DNASE2: variants seen among roughly 807,000 people sequenced by gnomAD.
DNASE2 encodes deoxyribonuclease 2, lysosomal.
DNASE2 carries 26 observed loss-of-function variants against 29.8 expected under a neutral mutation model. That is an observed-to-expected ratio of 0.87 (90% CI 0.64 to 1.21). The LOEUF is 1.21. Among genes scored for constraint, DNASE2 ranks in the 50% most tolerant of loss-of-function variants. The probability of loss-of-function intolerance (pLI) is 0.00; values close to 1 mark genes in which losing one functional copy is unlikely to be tolerated. For synonymous variants in DNASE2, 186 were observed against 193.5 expected (o/e 0.96, Z 0.32); for missense variants, 415 against 455.6 (o/e 0.91, Z 0.81).
intron 5 of DNASE2, among the ~76,000 whole-genome samples, chr19:12,877,122 A>G (rs1204247339): frequency 6.6e-6 from 1 of 152,106 alleles, no homozygotes; most frequent in Non-Finnish European, 1.5e-5. Flanking sequence ...ATGGAGTTTC[A>G]CCATGTTGGC....
Position 12,881,441 on chromosome 19 carries a change from G to T in DNASE2, c.-66C>A. ...TGCGGGGCGCTGGGTTACATCAGAG[G>T]CCAGGACTGGCACCTGGCGCCTTTC... On this transcript the variant is annotated 5_prime_UTR_variant, in exon 1 of 6. Coordinates refer to ENST00000222219, the MANE Select transcript of DNASE2 (RefSeq NM_001375.3). The T allele has an allele frequency of 6.5e-7, 1 of 1,540,140 alleles. No individual in the cohort carries two copies. The highest frequency in any genetic ancestry group is 8.8e-7 in the Non-Finnish European group (1 of 1,141,712).
intron 3 of DNASE2, among the ~76,000 whole-genome samples, chr19:12,879,218 C>T (rs1005453668): frequency 2.7e-5 from 4 of 150,846 alleles, no homozygotes; most frequent in African/African-American, 9.8e-5. Flanking sequence ...AAGGCAGGCC[C>T]CACGCAGTGT....
intron 3 of DNASE2, 100 bp downstream of exon 3, chr19:12,880,702 G>T (rs2145922989): frequency 6.7e-7 from 1 of 1,487,010 alleles, no homozygotes; most frequent in Non-Finnish European, 9.4e-7. Context: ...GATGCCCAGG[G>T]TCTGACAGTG....
In DNASE2 at chr19:12,876,045, T is replaced by A. The variant is rs1970315608; in HGVS notation, c.1028A>T (p.Asn343Ile). The A allele has an allele frequency of 2.5e-6, 4 of 1,613,996 alleles. No homozygotes were observed. The highest frequency in any genetic ancestry group is 2.5e-6 in the Non-Finnish European group (3 of 1,180,022). The change falls in exon 6 of 6, where the codon AAC becomes ATC. Residue 343 changes from asparagine to isoleucine, a missense_variant. Asn to Ile is a moderately radical substitution (Grantham distance 149). Coordinates refer to ENST00000222219, the MANE Select transcript of DNASE2 (RefSeq NM_001375.3). The stretch of plus-strand genomic sequence containing the variant: ...GGCCATGCCATTACAGGGCTGGTAG[T>A]TCTTCACCAGCGGCTGGAAGGCTTT... The part of the protein sequence containing the change: ...LWKAFQPLVK[N>I]YQPCNGMARK...
In DNASE2 at chr19:12,875,410, G is replaced by A. The variant is rs967184425; in HGVS notation, c.*580C>T. The A allele has an allele frequency of 2.5e-5, 4 of 162,302 alleles. No homozygotes were observed. Among genetic ancestry groups the A allele is most frequent in the African/African-American group, 9.7e-5 (4 of 41,398 alleles). 10.1% of individuals were successfully genotyped at this position (162,302 alleles called of 1,614,324 possible). ...TAGATTTTTTATTTTTTATTTTTTT[G>A]ACACAGAGTCTCATTCTGTCACCCA... On this transcript the variant is annotated 3_prime_UTR_variant, in exon 6 of 6. Coordinates refer to ENST00000222219, the MANE Select transcript of DNASE2 (RefSeq NM_001375.3).
In DNASE2 at chr19:12,876,892, G is replaced by A. The variant is rs561434938; in HGVS notation, c.710-529C>T. On this transcript the variant is annotated intron_variant, in intron 5 of 5. Coordinates refer to ENST00000222219, the MANE Select transcript of DNASE2 (RefSeq NM_001375.3). The stretch of plus-strand genomic sequence containing the variant: ...GGCTGGAGTGCAGTGGTGTAATCTC[G>A]GCACACTGCAACCTCTGCCTCCTGG... 6.6e-5 allele frequency among the ~76,000 whole-genome samples: 10 copies of A among 151,678 alleles called. No homozygotes were observed. In the South Asian group the frequency reaches 1.0e-3, roughly 16 times the overall value.
Position 12,875,685 on chromosome 19 carries a change from C to T in DNASE2, c.*305G>A. The T allele has an allele frequency of 3.1e-6, 1 of 326,072 alleles. No homozygotes were observed. The highest frequency in any genetic ancestry group is 2.9e-5 in the South Asian group (1 of 34,102). 20.2% of individuals were successfully genotyped at this position (326,072 alleles called of 1,614,324 possible). On this transcript the variant is annotated 3_prime_UTR_variant, in exon 6 of 6. Transcript: ENST00000222219. Reference sequence around the variant, plus strand: ...CTGGGGTTACAGATGTGAGCCACTGCACCCACCCGTCCCCCGCCCCCCCTT... The same window carrying T: ...CTGGGGTTACAGATGTGAGCCACTGTACCCACCCGTCCCCCGCCCCCCCTT...
In DNASE2 at chr19:12,880,848, A is replaced by G. The variant is rs945858759; in HGVS notation, c.300T>C (p.Pro100=). The change falls in exon 3 of 6, where the codon CCT becomes CCC. Residue 100 remains proline, a synonymous_variant. Coordinates refer to ENST00000222219, the MANE Select transcript of DNASE2 (RefSeq NM_001375.3). ...LAFLLYNDQP[P]QPSKAQDSSM... is the part of the protein sequence containing the mutation. ...AAGAGTCCTGAGCCTTGCTGGGTTGAGGCGGTTGGTCATTGTAGAGCAGGA... is the reference window on the plus strand; with the variant it reads ...AAGAGTCCTGAGCCTTGCTGGGTTGGGGCGGTTGGTCATTGTAGAGCAGGA... 9.9e-6 allele frequency: 16 copies of G among 1,614,130 alleles called. No homozygotes were observed. The highest frequency in any genetic ancestry group is 1.4e-5 in the Non-Finnish European group (16 of 1,180,024).
chr19:12,880,086 T>A (rs1599598028), intron 3 of DNASE2, among the ~76,000 whole-genome samples: 2 of 103,526 alleles, frequency 1.9e-5, no homozygotes, highest in African/African-American at 8.0e-5. Context: ...GCCTGGGTGA[T>A]GGAGAGAGAG....
At position 12,878,524 on chromosome 19, in the gene DNASE2, G is replaced by C. The variant is rs761407102; in HGVS notation, c.567C>G (p.Ile189Met). Residue 189 changes from isoleucine (I) to methionine (M), a missense_variant, in exon 5 of 6, where the codon ATC becomes ATG. By Grantham distance (10) the Ile-to-Met change is conservative. Coordinates refer to ENST00000222219, the MANE Select transcript of DNASE2 (RefSeq NM_001375.3). The stretch of plus-strand genomic sequence containing the variant: ...CCAAGTCGGGGAATTCCTGGGCAAA[G>C]ATCCCTTCCAGCTGGTAGTTATAGA... Reference protein sequence around the residue: ...PWVYNYQLEGIFAQEFPDLEN... With the variant: ...PWVYNYQLEGMFAQEFPDLEN... The C allele has an allele frequency of 1.2e-6, 2 of 1,614,174 alleles. No homozygotes were observed. The highest frequency in any genetic ancestry group is 1.1e-5 in the South Asian group (1 of 91,082).
At chr19:12,880,724 G>A (rs1970369930) in intron 3 of DNASE2, 78 bp downstream of exon 3, 3 of 1,582,764 alleles carry the variant, frequency 1.9e-6, no homozygotes, top group Non-Finnish European at 1.7e-6. Context: ...AGATCTCCCC[G>A]ACCACCCCAT....
chr19:12,879,388 G>C (rs1970355025), intron 3 of DNASE2, among the ~76,000 whole-genome samples: 3 of 149,588 alleles, frequency 2.0e-5, no homozygotes, highest in Admixed American at 6.8e-5. Flanking sequence ...GGAGGCTGAT[G>C]CAGGAGAATC....
At position 12,876,246 on chromosome 19, in the gene DNASE2, A is replaced by C. The variant is rs752333082; in HGVS notation, c.827T>G (p.Val276Gly). The C allele has an allele frequency of 6.2e-7, 1 of 1,614,174 alleles. No homozygotes were observed. Among genetic ancestry groups the C allele is most frequent in the East Asian group, 2.2e-5 (1 of 44,876 alleles). Reference sequence around the variant, plus strand: ...TGGTCCAGGGAAAGCTATCTGGTTCACATTCAGAACCTGCCAGATATCCGA... The same window carrying C: ...TGGTCCAGGGAAAGCTATCTGGTTCCCATTCAGAACCTGCCAGATATCCGA... ...NCSDIWQVLNVNQIAFPGPAG... is the reference protein window; with the variant it reads ...NCSDIWQVLNGNQIAFPGPAG... Residue 276 changes from valine (V) to glycine (G), a missense_variant, in exon 6 of 6, where the codon GTG (valine) becomes GGG (glycine). Coordinates refer to ENST00000222219, the MANE Select transcript of DNASE2 (RefSeq NM_001375.3).
chr19:12,879,162 G>GTAAGTAAA (rs1490597124), intron 3 of DNASE2, among the ~76,000 whole-genome samples: 110 of 145,456 alleles, frequency 7.6e-4, no homozygotes, highest in African/African-American at 2.9e-3. Flanking sequence ...AAGTAAGTAA[G>GTAAGTAAA]TAAATAAATA....
rs1970313568 is a variant in DNASE2, at chr19:12,875,933, T to C, written c.*57A>G. 4.4e-6 allele frequency: 7 copies of C among 1,603,038 alleles called. No individual in the cohort carries two copies. Among genetic ancestry groups the C allele is most frequent in the Non-Finnish European group, 5.9e-6 (7 of 1,177,680 alleles). On this transcript the variant is annotated 3_prime_UTR_variant, in exon 6 of 6. Coordinates refer to ENST00000222219, the MANE Select transcript of DNASE2 (RefSeq NM_001375.3). The stretch of plus-strand genomic sequence containing the variant: ...CCTGAGTTCAAGTGATCCTCCCTCC[T>C]TGGCTTCCCAAAGTGCTGGGATTAC...
In DNASE2 at chr19:12,876,490, T is replaced by C; in HGVS notation, c.710-127A>G. 3 of 1,401,664 alleles carry C rather than the reference T, an allele frequency of 2.1e-6. No homozygotes were observed. The South Asian group carries it at 4.4e-5, about 21-fold the overall frequency. 86.8% of individuals were successfully genotyped at this position (1,401,664 alleles called of 1,614,324 possible). A position where few individuals can be genotyped will look rare whatever the true frequency, so the allele number is the denominator to read the frequency against. Reference sequence around the variant, plus strand: ...TTTTTTTTTTTTTGACATGGAGTCTTGCTCTGTCGCCCAGGCTAGAGTGCA... The same window carrying C: ...TTTTTTTTTTTTTGACATGGAGTCTCGCTCTGTCGCCCAGGCTAGAGTGCA... On this transcript the variant is annotated intron_variant, in intron 5 of 5. Transcript: ENST00000222219.
In DNASE2 at chr19:12,878,443, T is replaced by A. The variant is rs764662113; in HGVS notation, c.648A>T (p.Thr216=). 6.2e-6 allele frequency: 10 copies of A among 1,613,560 alleles called. No homozygotes were observed. Among genetic ancestry groups the A allele is most frequent in the Non-Finnish European group, 7.6e-6 (9 of 1,180,036 alleles). Reference sequence around the variant, plus strand: ...AAACAGCCCCGGCCTGGGATGTGAGTGTGATGCTGCTGTTCCAGGGTTCTT... The same window carrying A: ...AAACAGCCCCGGCCTGGGATGTGAGAGTGATGCTGCTGTTCCAGGGTTCTT... ...VSQEPWNSSI[T]LTSQAGAVFQ... Residue 216 remains threonine, a synonymous_variant, in exon 5 of 6, where the codon ACA becomes ACT. Transcript: ENST00000222219.
Position 12,876,359 on chromosome 19 carries a change from C to A in DNASE2, c.714G>T (p.Leu238=). The A allele has an allele frequency of 3.1e-6, 5 of 1,612,182 alleles. No individual in the cohort carries two copies. The highest frequency in any genetic ancestry group is 4.2e-6 in the Non-Finnish European group (5 of 1,179,980). The change falls in exon 6 of 6, where the codon CTG becomes CTT. Residue 238 remains leucine, a synonymous_variant. Transcript: ENST00000222219. ...GGGCTGCTGCCAACCAGCCGGAGTA[C>A]AGGTCTGCAAAGGATGGAGAGAGGG... ...FAKFSKFGDD[L]YSGWLAAALG... is the part of the protein sequence containing the mutation.
At chr19:12,878,857 G>A (rs774797754) in intron 3 of DNASE2, 23 bp from the exon 4 acceptor site, 1 of 1,605,498 alleles carries the variant, frequency 6.2e-7, no homozygotes, top group Non-Finnish European at 8.5e-7. Flanking sequence ...AAGGCATTAG[G>A]GGAGGTCGGG....
Sources: allele counts gnomAD v4.1 joint callset (sites outside exome capture counted in the v4.1 genomes callset), GRCh38; gene constraint gnomAD v4.1.1; transcripts MANE v1.5; gene names NCBI Gene and HGNC (gene_info 2026-07-23, HGNC 2026-07-21).